Variants in DLGAP2 observed in about 807,000 individuals in gnomAD.
DLGAP2 encodes DLG associated protein 2.
Under a neutral mutation model 100.3 loss-of-function variants are expected in DLGAP2, and 26 were observed. The observed-to-expected ratio is 0.26, with a 90% CI of 0.19 to 0.36. The LOEUF is 0.36. DLGAP2 is among the 10% of genes least tolerant of loss of function. DLGAP2 has a pLI of 1.00. For missense variants in DLGAP2, 1,858 were observed against 1,453.2 expected (o/e 1.28, Z -4.53); for synonymous variants, 886 against 630.1 (o/e 1.41, Z -6.08).
chr8:760,587 G>C (rs7819958), intron 1 of DLGAP2, among the ~76,000 whole-genome samples: 1 of 152,128 alleles, frequency 6.6e-6, no homozygotes, highest in Non-Finnish European at 1.5e-5. Flanking sequence ...GAGTTTGTCG[G>C]CTTTAACTCA....
At chr8:1,169,544 C>T (rs1254839370) in intron 2 of DLGAP2, among the ~76,000 whole-genome samples, 1 of 152,104 alleles carries the variant, frequency 6.6e-6, no homozygotes, top group Non-Finnish European at 1.5e-5. Context: ...TGTTTGTATC[C>T]TCTTTAATTT....
At chr8:1,158,796 G>A (rs750817563) in intron 2 of DLGAP2, among the ~76,000 whole-genome samples, 30 of 152,196 alleles carry the variant, frequency 2.0e-4, no homozygotes, top group Non-Finnish European at 4.1e-4. Flanking sequence ...TGTCCACATC[G>A]ACAACTGCAC....
intron 2 of DLGAP2, among the ~76,000 whole-genome samples, chr8:980,834 G>C (rs1380741752): frequency 2.0e-5 from 3 of 152,124 alleles, no homozygotes; most frequent in African/African-American, 2.4e-5. Context: ...AGGGATAGGA[G>C]TGGACAACGG....
Position 1,701,534 on chromosome 8 carries a change from C to T in DLGAP2, c.*128C>T, listed in dbSNP as rs1385941405. ...GTCCTCGCTCCCGCGCTCCCCGCGC[C>T]CCGGACACAGCGGGACGCGGCCGGC... is the stretch of plus-strand genomic sequence containing the variant. On this transcript the variant is annotated 3_prime_UTR_variant, in exon 15 of 15. Transcript: ENST00000637795. 7 of 1,058,588 alleles carry T rather than the reference C, an allele frequency of 6.6e-6. No homozygotes were observed. The highest frequency in any genetic ancestry group is 9.3e-6 in the Non-Finnish European group (7 of 756,224). 65.6% of individuals were successfully genotyped at this position (1,058,588 alleles called of 1,614,324 possible). A position where few individuals can be genotyped will look rare whatever the true frequency, so the allele number is the denominator to read the frequency against.
intron 3 of DLGAP2, among the ~76,000 whole-genome samples, chr8:1,365,054 T>C (rs1187947573): frequency 6.6e-6 from 1 of 152,100 alleles, no homozygotes; most frequent in Non-Finnish European, 1.5e-5. Context: ...GATTTACGAC[T>C]GAGATGACCA....
At chr8:1,356,254 A>G (rs983712869) in intron 3 of DLGAP2, among the ~76,000 whole-genome samples, 16 of 152,196 alleles carry the variant, frequency 1.1e-4, no homozygotes, top group African/African-American at 1.7e-4. Flanking sequence ...GCCATGGTGC[A>G]GAAAGCTCAC....
chr8:1,687,583 A>G (rs751983522), intron 12 of DLGAP2, among the ~76,000 whole-genome samples: 1 of 152,216 alleles, frequency 6.6e-6, no homozygotes, highest in Non-Finnish European at 1.5e-5. Context: ...ACTTTTTGAC[A>G]TTCATTATCT....
intron 2 of DLGAP2, among the ~76,000 whole-genome samples, chr8:1,211,640 C>T (rs1325747618): frequency 6.6e-6 from 1 of 152,014 alleles, no homozygotes; most frequent in Non-Finnish European, 1.5e-5. Context: ...CTTTGGGAGG[C>T]CAAGGTGGGT....
At chr8:990,260 C>T (rs1055314981) in intron 2 of DLGAP2, among the ~76,000 whole-genome samples, 2 of 151,986 alleles carry the variant, frequency 1.3e-5, no homozygotes, top group Admixed American at 6.5e-5. Flanking sequence ...TGCCCAAGTC[C>T]TGCGCTGCAT....
At chr8:891,851 G>C (rs10096013) in intron 1 of DLGAP2, among the ~76,000 whole-genome samples, 77 of 152,156 alleles carry the variant, frequency 5.1e-4, no homozygotes, top group African/African-American at 1.8e-3. Context: ...AGCCGAGGAG[G>C]GGGAGGACCT....
intron 3 of DLGAP2, among the ~76,000 whole-genome samples, chr8:1,439,870 G>C (rs531614616): frequency 9.8e-5 from 15 of 152,288 alleles, no homozygotes; most frequent in African/African-American, 3.6e-4. Context: ...CTTGTGTGAA[G>C]AGACATGAGA....
intron 2 of DLGAP2, among the ~76,000 whole-genome samples, chr8:1,194,457 G>T (rs915020036): frequency 6.6e-6 from 1 of 152,140 alleles, no homozygotes; most frequent in African/African-American, 2.4e-5. Context: ...CAGGTGGGGA[G>T]GACGGCAGAG....
At chr8:1,316,820 A>C (rs1478597971) in intron 3 of DLGAP2, among the ~76,000 whole-genome samples, 1 of 147,106 alleles carries the variant, frequency 6.8e-6, no homozygotes, top group Non-Finnish European at 1.5e-5. Context: ...AGCGTTTAAA[A>C]ATAGAGCCTG....
intron 1 of DLGAP2, among the ~76,000 whole-genome samples, chr8:778,564 G>A (rs1405608634): frequency 3.3e-5 from 5 of 152,144 alleles, no homozygotes; most frequent in African/African-American, 4.8e-5. Context: ...TCCTCCTAAC[G>A]GACAGGACCC....
chr8:1,447,439 C>T (rs1000641680), intron 3 of DLGAP2, among the ~76,000 whole-genome samples: 1 of 152,224 alleles, frequency 6.6e-6, no homozygotes, highest in African/African-American at 2.4e-5. Flanking sequence ...ATGAAGCCCA[C>T]TTGATCATGG....
intron 2 of DLGAP2, among the ~76,000 whole-genome samples, chr8:1,075,644 C>G (rs560610590): frequency 1.3e-5 from 2 of 152,306 alleles, no homozygotes; most frequent in South Asian, 4.2e-4. Context: ...TTGATGACCA[C>G]TTGAACTCTC....
intron 2 of DLGAP2, among the ~76,000 whole-genome samples, chr8:1,001,235 A>G (rs1254100907): frequency 6.6e-6 from 1 of 152,180 alleles, no homozygotes; most frequent in Non-Finnish European, 1.5e-5. Flanking sequence ...TGTGATCAGG[A>G]CAGGGTTGTA....
At chr8:1,093,755 C>T (rs1456449910) in intron 2 of DLGAP2, among the ~76,000 whole-genome samples, 2 of 151,746 alleles carry the variant, frequency 1.3e-5, no homozygotes, top group African/African-American at 2.4e-5. Context: ...TTGACCAACT[C>T]TCTGGGCACC....
chr8:1,197,848 G>A (rs1453203098), intron 2 of DLGAP2, among the ~76,000 whole-genome samples: 4 of 152,172 alleles, frequency 2.6e-5, no homozygotes, highest in Non-Finnish European at 2.9e-5. Flanking sequence ...GGGGATGAGT[G>A]GAATCAGGTT....
Sources: allele counts gnomAD v4.1 joint callset (sites outside exome capture counted in the v4.1 genomes callset), GRCh38; gene constraint gnomAD v4.1.1; transcripts MANE v1.5; gene names NCBI Gene and HGNC (gene_info 2026-07-23, HGNC 2026-07-21).